Variants in LRBA observed in about 807,000 individuals in gnomAD.
LRBA encodes LPS responsive beige-like anchor protein.
In LRBA, 176 loss-of-function variants were observed where a neutral mutation model predicts 330.0. That is an observed-to-expected ratio of 0.53 (90% CI 0.47 to 0.60). LRBA has a LOEUF of 0.60. LRBA is among the 20% of genes least tolerant of loss of function. The pLI is 0.00. For missense variants in LRBA, 3,259 were observed against 3,444.8 expected (o/e 0.95, Z 1.35); for synonymous variants, 1,230 against 1,193.0 (o/e 1.03, Z -0.64).
intron 36 of LRBA, among the ~76,000 whole-genome samples, chr4:150,733,239 T>C (rs1020403055): frequency 6.6e-6 from 1 of 151,972 alleles, no homozygotes; most frequent in Non-Finnish European, 1.5e-5. Context: ...GTTGGAAAAC[T>C]GGAAAAATAC....
chr4:150,543,497 T>C (rs749814732), intron 40 of LRBA, among the ~76,000 whole-genome samples: 11 of 152,194 alleles, frequency 7.2e-5, no homozygotes, highest in Non-Finnish European at 1.3e-4. Context: ...GCAATCATGA[T>C]CTTTGGTTTT....
chr4:150,857,811 A>T (rs1034287066), intron 22 of LRBA, among the ~76,000 whole-genome samples: 1 of 152,184 alleles, frequency 6.6e-6, no homozygotes, highest in Admixed American at 6.5e-5. Context: ...TCCTTCCTAG[A>T]ATTTTAAGTG....
intron 46 of LRBA, among the ~76,000 whole-genome samples, chr4:150,422,421 T>C (rs1443157241): frequency 6.6e-6 from 1 of 152,148 alleles, no homozygotes; most frequent in East Asian, 1.9e-4. Flanking sequence ...TGCAATTCAA[T>C]AGGAAGAATT....
At chr4:150,572,339 G>A (rs1427774944) in intron 40 of LRBA, among the ~76,000 whole-genome samples, 1 of 152,066 alleles carries the variant, frequency 6.6e-6, no homozygotes, top group Non-Finnish European at 1.5e-5. Flanking sequence ...GAACATGTAA[G>A]AGGAGATTAG....
At chr4:150,565,509 T>C (rs1243395244) in intron 40 of LRBA, among the ~76,000 whole-genome samples, 2 of 151,862 alleles carry the variant, frequency 1.3e-5, no homozygotes, top group African/African-American at 4.8e-5. Flanking sequence ...AAAAATAAAA[T>C]AAAAAATGTA....
At chr4:150,526,730 C>T (rs1167445587) in intron 40 of LRBA, among the ~76,000 whole-genome samples, 1 of 152,126 alleles carries the variant, frequency 6.6e-6, no homozygotes, top group Non-Finnish European at 1.5e-5. Flanking sequence ...AAGTAAATCA[C>T]AGGCATCATA....
intron 51 of LRBA, among the ~76,000 whole-genome samples, chr4:150,312,929 T>G (rs1424439110): frequency 6.6e-6 from 1 of 151,998 alleles, no homozygotes; most frequent in Non-Finnish European, 1.5e-5. Context: ...GATGTATTTT[T>G]AATAAATGTT....
At chr4:150,306,155 G>C (rs1285043106) in intron 52 of LRBA, among the ~76,000 whole-genome samples, 1 of 152,136 alleles carries the variant, frequency 6.6e-6, no homozygotes, top group African/African-American at 2.4e-5. Context: ...CCGACTGCCA[G>C]GGGAAGGTTT....
chr4:150,435,762 G>GTT (rs1228109576), intron 45 of LRBA, 54 bp from the exon 46 acceptor site: 3 of 1,481,040 alleles, frequency 2.0e-6, no homozygotes, highest in Admixed American at 4.2e-5. Context: ...TAAAAATGTG[G>GTT]TTTTTATAAA....
intron 46 of LRBA, among the ~76,000 whole-genome samples, chr4:150,424,661 G>C (rs1036099968): frequency 1.3e-5 from 2 of 152,148 alleles, no homozygotes; most frequent in Admixed American, 6.5e-5. Flanking sequence ...AGTCAGATGG[G>C]TACCAGGTAG....
chr4:150,891,778 C>T (rs922215970), intron 17 of LRBA, among the ~76,000 whole-genome samples: 2 of 152,092 alleles, frequency 1.3e-5, no homozygotes, highest in Non-Finnish European at 2.9e-5. Context: ...AAATAAACCC[C>T]TTAAGTATAA....
At position 150,966,618 on chromosome 4, in the gene LRBA, G is replaced by A. The variant is rs564071610; in HGVS notation, c.217-37553C>T. 1.9e-4 allele frequency among the ~76,000 whole-genome samples: 29 copies of A among 151,838 alleles called. 1 individual carries two copies. Among genetic ancestry groups the A allele is most frequent in the African/African-American group, 5.8e-4 (24 of 41,374 alleles). ...TGGGATTACAGGCGTGAGCCACCGC[G>A]CCCGGCCGCTAGTTCATTCTTAATT... On this transcript the variant is annotated intron_variant, in intron 2 of 56. Transcript: ENST00000651943.
intron 36 of LRBA, among the ~76,000 whole-genome samples, chr4:150,684,884 G>A (rs1042336561): frequency 6.6e-6 from 1 of 152,026 alleles, no homozygotes; most frequent in Non-Finnish European, 1.5e-5. Context: ...TTGCTGCCAC[G>A]CACTACTCCC....
intron 36 of LRBA, among the ~76,000 whole-genome samples, chr4:150,702,733 T>G (rs1785234051): frequency 6.6e-6 from 1 of 152,222 alleles, no homozygotes; most frequent in Non-Finnish European, 1.5e-5. Flanking sequence ...TTAAATATTT[T>G]AAATTCATGC....
intron 29 of LRBA, among the ~76,000 whole-genome samples, chr4:150,831,202 T>C (rs1413504539): frequency 6.9e-6 from 1 of 145,298 alleles, no homozygotes; most frequent in Non-Finnish European, 1.5e-5. Flanking sequence ...ATTACTTTCT[T>C]TTTTTTTTTT....
intron 11 of LRBA, among the ~76,000 whole-genome samples, 169 bp from the exon 12 acceptor site, chr4:150,906,574 T>C (rs1731366271): frequency 6.6e-6 from 1 of 152,194 alleles, no homozygotes. Flanking sequence ...AGATTTTTAA[T>C]GTAGGATTAG....
intron 40 of LRBA, among the ~76,000 whole-genome samples, chr4:150,575,069 A>C (rs1770373684): frequency 6.6e-6 from 1 of 152,038 alleles, no homozygotes; most frequent in Admixed American, 6.5e-5. Context: ...TTATGATCCA[A>C]AGATAATAAG....
At chr4:150,704,175 C>T (rs1785387992) in intron 36 of LRBA, among the ~76,000 whole-genome samples, 1 of 152,134 alleles carries the variant, frequency 6.6e-6, no homozygotes, top group Non-Finnish European at 1.5e-5. Flanking sequence ...GATCCCACCA[C>T]TGGACTTCAG....
At chr4:150,295,833 A>G (rs1728914871) in intron 53 of LRBA, among the ~76,000 whole-genome samples, 1 of 152,214 alleles carries the variant, frequency 6.6e-6, no homozygotes, top group Admixed American at 6.5e-5. Flanking sequence ...CATTACATGG[A>G]CATATCATTA....
Sources: allele counts gnomAD v4.1 joint callset (sites outside exome capture counted in the v4.1 genomes callset), GRCh38; gene constraint gnomAD v4.1.1; transcripts MANE v1.5; gene names NCBI Gene and HGNC (gene_info 2026-07-23, HGNC 2026-07-21).